The following TMEM19 variants were observed in gnomAD, a reference collection of about 807,000 sequenced individuals.
The protein encoded by TMEM19 is transmembrane protein 19.
Under a neutral mutation model 33.6 loss-of-function variants are expected in TMEM19, and 21 were observed. The ratio of observed to expected loss-of-function variants is 0.62; its 90% CI spans 0.44 to 0.90. TMEM19 has a LOEUF of 0.90. Ranked by LOEUF, TMEM19 falls within the 40% of genes least tolerant of loss-of-function variation. The pLI, the probability that TMEM19 is intolerant of heterozygous loss-of-function variation, is 0.00. For synonymous variants in TMEM19, 149 were observed against 147.5 expected, an observed-to-expected ratio of 1.01 and a Z score of -0.07; for missense variants, 402 against 401.8, an observed-to-expected ratio of 1.00 and a Z score of 0.00.
chr12:71,690,574 G>A (rs547739281), intron 2 of TMEM19: 78 of 152,232 alleles, frequency 5.1e-4, no homozygotes, highest in African/African-American at 1.8e-3. Flanking sequence ...ATTCTTTAGG[G>A]CAGATAGATA....
intron 1 of TMEM19, among the ~76,000 whole-genome samples, 188 bp from the exon 2 acceptor site, chr12:71,689,403 A>G (rs1274907740): frequency 6.6e-6 from 1 of 152,174 alleles, no homozygotes; most frequent in Admixed American, 6.5e-5. Context: ...GAAATCACCT[A>G]AGGATGCATT....
chr12:71,697,155 T>TA (rs1881887475), intron 3 of TMEM19, 125 bp from the exon 4 acceptor site: 1 of 1,334,880 alleles, frequency 7.5e-7, no homozygotes, highest in Non-Finnish European at 1.0e-6. Context: ...ATAACACTTT[T>TA]ACTGTTTTTA....
At chr12:71,694,336 T>C (rs1881835275) in intron 2 of TMEM19, among the ~76,000 whole-genome samples, 1 of 152,094 alleles carries the variant, frequency 6.6e-6, no homozygotes, top group Admixed American at 6.6e-5. Context: ...AGGCCACTGG[T>C]GGTGCTCTGT....
At position 71,704,021 on chromosome 12, in the gene TMEM19, A is replaced by G. The variant is rs1338703722; in HGVS notation, c.*3026A>G. The G allele has an allele frequency of 8.8e-6, 4 of 453,610 alleles. No homozygotes were observed. The highest frequency in any genetic ancestry group is 3.1e-5 in the South Asian group (2 of 64,216). The allele number at this position is 453,610 out of a possible 1,614,324, so 28.1% of individuals were successfully genotyped here. ...AATCACTTTTCATGGAAAGAGCTCT[A>G]TGTAACAGCATAATAAAACTGCCTA... On this transcript the variant is annotated 3_prime_UTR_variant, in exon 6 of 6. Transcript: ENST00000266673.
At chr12:71,697,608 C>A (rs1339029572) in intron 4 of TMEM19, 74 bp downstream of exon 4, 70 of 1,488,896 alleles carry the variant, frequency 4.7e-5, no homozygotes, top group Admixed American at 8.4e-5. Flanking sequence ...TTTAAAAAAA[C>A]CAAAAAACCT....
chr12:71,698,876 AT>A (rs775916622), intron 4 of TMEM19, 23 bp from the exon 5 acceptor site: 1 of 1,610,678 alleles, frequency 6.2e-7, no homozygotes, highest in Non-Finnish European at 8.5e-7. Flanking sequence ...TAACCGGATG[AT>A]TTTCTGCATG....
At position 71,692,245 on chromosome 12, in the gene TMEM19, G is replaced by A. The variant is rs147289136; in HGVS notation, c.244+2541G>A. 1.1e-3 allele frequency among the ~76,000 whole-genome samples: 170 copies of A among 152,100 alleles called. 1 individual carries two copies. The highest frequency in any genetic ancestry group is 3.6e-3 in the African/African-American group (150 of 41,492). On this transcript the variant is annotated intron_variant, in intron 2 of 5. Transcript: ENST00000266673. ...GCCACAAACATTTCTTTCTTTCTCC[G>A]TACCTCTGCTCACATTACTTCTCCC...
intron 5 of TMEM19, chr12:71,699,523 T>C (rs1405129587): frequency 4.4e-6 from 1 of 227,168 alleles, no homozygotes; most frequent in Non-Finnish European, 8.6e-6. Flanking sequence ...TCATGCTTGC[T>C]ATTCTTGCCC....
In TMEM19 at chr12:71,701,395, A is replaced by T. The variant is rs1881977561; in HGVS notation, c.*400A>T. 1 of 155,842 alleles carries T rather than the reference A, an allele frequency of 6.4e-6. No homozygotes were observed. Among genetic ancestry groups the T allele is most frequent in the Non-Finnish European group, 1.4e-5 (1 of 70,244 alleles). The allele number at this position is 155,842 out of a possible 1,614,324, so 9.7% of individuals were successfully genotyped here. A position where few individuals can be genotyped will look rare whatever the true frequency, so the allele number is the denominator to read the frequency against. ...AATAGTTCTCAGTTGAAGCAGAGAA[A>T]TGCCACTGTGCTAGTTGCCCAAATG... On this transcript the variant is annotated 3_prime_UTR_variant, in exon 6 of 6. Coordinates refer to ENST00000266673, the MANE Select transcript of TMEM19 (RefSeq NM_018279.4).
chr12:71,698,732 G>C (rs961927544), intron 4 of TMEM19, among the ~76,000 whole-genome samples, 168 bp from the exon 5 acceptor site: 3 of 152,090 alleles, frequency 2.0e-5, no homozygotes, highest in African/African-American at 4.8e-5. Context: ...AAAATGTCAA[G>C]AGTTACCGAG....
intron 4 of TMEM19, among the ~76,000 whole-genome samples, chr12:71,698,605 AAAAGAG>A (rs1188911921): frequency 2.0e-4 from 18 of 90,098 alleles, no homozygotes; most frequent in African/African-American, 8.9e-4. Context: ...CTTGTCTCTG[AAAAGAG>A]AGAGAGAGAG....
chr12:71,688,940 G>A (rs1368930724), intron 1 of TMEM19, among the ~76,000 whole-genome samples: 4 of 152,078 alleles, frequency 2.6e-5, no homozygotes, highest in African/African-American at 9.7e-5. Flanking sequence ...TTCGTTCTAG[G>A]TAGTCCTTGA....
chr12:71,691,548 C>T (rs1182019151), intron 2 of TMEM19, among the ~76,000 whole-genome samples: 1 of 132,400 alleles, frequency 7.6e-6, no homozygotes, highest in Non-Finnish European at 1.5e-5. Flanking sequence ...GCAGAAGGAT[C>T]ACTCGAGTCC....
chr12:71,699,163 A>G, intron 5 of TMEM19, 54 bp downstream of exon 5: 1 of 1,583,564 alleles, frequency 6.3e-7, no homozygotes. Context: ...GAAATAGGGA[A>G]AAGAAAGAAA....
At position 71,686,532 on chromosome 12, in the gene TMEM19, A is replaced by T. The variant is rs1881692065; in HGVS notation, c.-149A>T. 38 of 876,554 alleles carry T rather than the reference A, an allele frequency of 4.3e-5. 1 individual carries two copies. The South Asian group carries it at 5.7e-4, about 13-fold the overall frequency. 54.3% of individuals were successfully genotyped at this position (876,554 alleles called of 1,614,324 possible). Reference sequence around the variant, plus strand: ...AGTAGGAGTTTCCGGAAGGAGTTTGAATTTTTGTGATTTTTATGCTTGTTT... The same window carrying T: ...AGTAGGAGTTTCCGGAAGGAGTTTGTATTTTTGTGATTTTTATGCTTGTTT... On this transcript the variant is annotated 5_prime_UTR_variant, in exon 1 of 6. Coordinates refer to ENST00000266673, the MANE Select transcript of TMEM19 (RefSeq NM_018279.4).
chr12:71,698,292 C>T (rs984695414), intron 4 of TMEM19, among the ~76,000 whole-genome samples: 1 of 152,078 alleles, frequency 6.6e-6, no homozygotes, highest in African/African-American at 2.4e-5. Context: ...ATTTTAGATA[C>T]CTACTACAGA....
chr12:71,687,992 T>C (rs1881722162), intron 1 of TMEM19, among the ~76,000 whole-genome samples: 1 of 152,284 alleles, frequency 6.6e-6, no homozygotes, highest in South Asian at 2.1e-4. Context: ...TGATTCACAG[T>C]GGGGCATCAG....
At chr12:71,694,548 A>G (rs1449700991) in intron 2 of TMEM19, among the ~76,000 whole-genome samples, 3 of 152,252 alleles carry the variant, frequency 2.0e-5, no homozygotes, top group Admixed American at 2.0e-4. Context: ...AAGAACTACC[A>G]GGCAGAAGAA....
At chr12:71,687,495 T>G (rs1881713593) in intron 1 of TMEM19, among the ~76,000 whole-genome samples, 2 of 151,758 alleles carry the variant, frequency 1.3e-5, no homozygotes, top group Non-Finnish European at 2.9e-5. Context: ...AGGCGGAGGT[T>G]GCAGTGAACC....
Sources: gnomAD v4.1 joint callset for allele counts (sites outside exome capture counted in the v4.1 genomes callset) on GRCh38, gnomAD v4.1.1 for gene constraint, MANE v1.5 for transcripts, NCBI Gene and HGNC (gene_info 2026-07-23, HGNC 2026-07-21) for gene names.